The following PSMD1 variants were observed in gnomAD, a reference collection of about 807,000 sequenced individuals.
PSMD1 encodes the protein 26S proteasome non-ATPase regulatory subunit 1.
A neutral mutation model predicts 119.0 loss-of-function variants in PSMD1; 18 were observed. The ratio of observed to expected loss-of-function variants is 0.15; its 90% CI spans 0.10 to 0.22. PSMD1 has a LOEUF of 0.22. Ranked by LOEUF, PSMD1 falls within the 10% of genes least tolerant of loss-of-function variation. The pLI is 1.00. For missense variants in PSMD1, 702 were observed against 1,158.5 expected (o/e 0.61, Z 5.72); for synonymous variants, 374 against 396.6 (o/e 0.94, Z 0.68).
chr2:231,115,178 A>G (rs1018673548), intron 16 of PSMD1, among the ~76,000 whole-genome samples: 2 of 151,998 alleles, frequency 1.3e-5, no homozygotes, highest in African/African-American at 4.8e-5. Context: ...GAGAGAGATT[A>G]AAATCTCAGA....
At chr2:231,171,469 G>A (rs1696907535) in intron 24 of PSMD1, among the ~76,000 whole-genome samples, 1 of 150,286 alleles carries the variant, frequency 6.7e-6, no homozygotes, top group South Asian at 2.1e-4. Flanking sequence ...TCTTTTGAGT[G>A]TTCATCACAT....
chr2:231,154,795 G>T (rs992438820), intron 19 of PSMD1, among the ~76,000 whole-genome samples: 1 of 152,052 alleles, frequency 6.6e-6, no homozygotes. Flanking sequence ...AATTTTCTTA[G>T]TATTATATGA....
chr2:231,163,205 T>G (rs1696681808), intron 20 of PSMD1: 1 of 154,574 alleles, frequency 6.5e-6, no homozygotes, highest in South Asian at 2.0e-4. Context: ...GTTACACTCT[T>G]ACAAGGCATG....
intron 16 of PSMD1, among the ~76,000 whole-genome samples, chr2:231,095,019 G>A (rs558549775): frequency 5.9e-5 from 9 of 152,302 alleles, no homozygotes; most frequent in East Asian, 3.9e-4. Flanking sequence ...TCCAGGAAGC[G>A]TAGCCCTGGG....
chr2:231,085,204 G>T lies in PSMD1; in HGVS notation c.1818+90G>T, dbSNP rs1393457289. On this transcript the variant is annotated intron_variant, in intron 15 of 24. Transcript: ENST00000308696. ...TCTAGGTGACTCCAGCATCCACAGCGCATGACCACCACCAGTGGTCTTAGG... is the reference window on the plus strand; with the variant it reads ...TCTAGGTGACTCCAGCATCCACAGCTCATGACCACCACCAGTGGTCTTAGG... The T allele has an allele frequency of 2.9e-6, 3 of 1,039,832 alleles. No homozygotes were observed. The South Asian group carries it at 3.9e-5, about 13-fold the overall frequency. 64.4% of individuals were successfully genotyped at this position (1,039,832 alleles called of 1,614,324 possible). A position where few individuals can be genotyped will look rare whatever the true frequency, so the allele number is the denominator to read the frequency against.
At chr2:231,100,003 T>C (rs1574727972) in intron 16 of PSMD1, among the ~76,000 whole-genome samples, 1 of 152,142 alleles carries the variant, frequency 6.6e-6, no homozygotes, top group African/African-American at 2.4e-5. Context: ...TTATTTTTTA[T>C]TTTTTTCTGC....
chr2:231,112,056 C>G (rs1348801258), intron 16 of PSMD1, among the ~76,000 whole-genome samples: 1 of 152,112 alleles, frequency 6.6e-6, no homozygotes, highest in Admixed American at 6.5e-5. Flanking sequence ...TTAGCTTGAT[C>G]ACATTTCACA....
intron 1 of PSMD1, among the ~76,000 whole-genome samples, chr2:231,057,740 C>T (rs1465896635): frequency 6.6e-6 from 1 of 152,228 alleles, no homozygotes; most frequent in Non-Finnish European, 1.5e-5. Flanking sequence ...GTTTCATACG[C>T]GCAAACCATT....
chr2:231,160,523 T>G (rs962763130), intron 19 of PSMD1, among the ~76,000 whole-genome samples: 1 of 152,220 alleles, frequency 6.6e-6, no homozygotes, highest in Non-Finnish European at 1.5e-5. Flanking sequence ...TAAATTTTTA[T>G]AAATGTGTAA....
rs546414362 is a variant in PSMD1 at position 231,158,956 on chromosome 2, T to G, written c.2219-2384T>G. Among the ~76,000 whole-genome samples the G allele has an allele frequency of 3.9e-5, 6 of 152,216 alleles. No homozygotes were observed. In the South Asian group the frequency reaches 1.2e-3, roughly 32 times the overall value. On this transcript the variant is annotated intron_variant, in intron 19 of 24. Transcript: ENST00000308696. Reference sequence around the variant, plus strand: ...CTGGCCTTTTTTTCAGATGAAAAATTTAAATACCTATAGTGGAGTATTAAG... The same window carrying G: ...CTGGCCTTTTTTTCAGATGAAAAATGTAAATACCTATAGTGGAGTATTAAG...
At chr2:231,137,836 A>G (rs1473899136) in intron 16 of PSMD1, among the ~76,000 whole-genome samples, 1 of 152,190 alleles carries the variant, frequency 6.6e-6, no homozygotes, top group Admixed American at 6.5e-5. Flanking sequence ...AATGGCCTCC[A>G]TCTGCATCCA....
At chr2:231,070,362 A>G (rs1024541976) in intron 6 of PSMD1, among the ~76,000 whole-genome samples, 194 bp downstream of exon 6, 2 of 152,120 alleles carry the variant, frequency 1.3e-5, no homozygotes, top group African/African-American at 2.4e-5. Flanking sequence ...AAATCTCACA[A>G]CACTAAAAAG....
Position 231,117,795 on chromosome 2 carries a change from CAA to C in PSMD1, c.1884-20940_1884-20939del, listed in dbSNP as rs1695394254. Among the ~76,000 whole-genome samples, 11 of 152,202 alleles carry C rather than the reference CAA, an allele frequency of 7.2e-5. 1 individual carries two copies. In the South Asian group the frequency reaches 2.3e-3, roughly 32 times the overall value. ...ATTTGTACAAGTATAGGTTGACGCA[CAA>C]GTATTCTTTTCCACTTAATATGAAA... On this transcript the variant is annotated intron_variant, in intron 16 of 24. Coordinates refer to ENST00000308696, the MANE Select transcript of PSMD1 (RefSeq NM_002807.4).
intron 16 of PSMD1, among the ~76,000 whole-genome samples, chr2:231,132,381 C>G (rs1296881806): frequency 6.6e-6 from 1 of 152,172 alleles, no homozygotes; most frequent in Admixed American, 6.5e-5. Context: ...GATAAGTATC[C>G]TGCATGCCAT....
At chr2:231,076,401 T>A (rs1385943834) in intron 8 of PSMD1, among the ~76,000 whole-genome samples, 2 of 152,194 alleles carry the variant, frequency 1.3e-5, no homozygotes, top group African/African-American at 4.8e-5. Flanking sequence ...GCACTGTGGT[T>A]CATGCATGTA....
At chr2:231,157,556 A>G (rs1367231687) in intron 19 of PSMD1, among the ~76,000 whole-genome samples, 2 of 148,336 alleles carry the variant, frequency 1.3e-5, no homozygotes, top group African/African-American at 5.0e-5. Context: ...TTTTTGCTTT[A>G]GACATTTATT....
At chr2:231,119,157 A>G (rs1695445588) in intron 16 of PSMD1, among the ~76,000 whole-genome samples, 1 of 152,290 alleles carries the variant, frequency 6.6e-6, no homozygotes, top group South Asian at 2.1e-4. Context: ...TAAAATTTCC[A>G]CTTTACAAAA....
At chr2:231,107,800 A>G (rs1379810893) in intron 16 of PSMD1, among the ~76,000 whole-genome samples, 1 of 152,218 alleles carries the variant, frequency 6.6e-6, no homozygotes, top group Admixed American at 6.5e-5. Context: ...TATCTCTAAG[A>G]AACCTAATGT....
intron 16 of PSMD1, among the ~76,000 whole-genome samples, chr2:231,112,073 A>G (rs1055894157): frequency 4.6e-5 from 7 of 152,094 alleles, no homozygotes; most frequent in Non-Finnish European, 1.0e-4. Context: ...CACAGTTTCA[A>G]ATATTTTAAT....
Sources: gnomAD v4.1 joint callset for allele counts (sites outside exome capture counted in the v4.1 genomes callset) on GRCh38, gnomAD v4.1.1 for gene constraint, MANE v1.5 for transcripts, NCBI Gene and HGNC (gene_info 2026-07-23, HGNC 2026-07-21) for gene names.